The following WDR49 variants were observed in gnomAD, a reference collection of about 807,000 sequenced individuals.
WDR49 encodes the protein cilia- and flagella-associated protein 337.
Under a neutral mutation model 119.5 loss-of-function variants are expected in WDR49, and 107 were observed. The ratio of observed to expected loss-of-function variants is 0.90; its 90% confidence interval spans 0.77 to 1.05. The LOEUF (loss-of-function observed/expected upper bound fraction) is 1.05, where lower values mean the gene tolerates loss of function less well. Among genes scored for constraint, WDR49 ranks in the 50% least tolerant of loss-of-function variants. The probability of loss-of-function intolerance (pLI) is 0.00; values close to 1 mark genes in which losing one functional copy is unlikely to be tolerated. For synonymous variants in WDR49, 425 were observed against 418.8 expected (o/e 1.01, Z -0.18); for missense variants, 1,240 against 1,220.5 (o/e 1.02, Z -0.24).
chr3:167,636,638 C>T (rs1205965247), intron 2 of WDR49, among the ~76,000 whole-genome samples: 1 of 151,730 alleles, frequency 6.6e-6, no homozygotes, highest in South Asian at 2.1e-4. Context: ...CTTTTCACTA[C>T]ATCCATGCCA....
Position 167,646,218 on chromosome 3 carries a change from T to C in WDR49, c.165+7043A>G, listed in dbSNP as rs552477972. On this transcript the variant is annotated intron_variant, in intron 2 of 18. Transcript: ENST00000682715. ...GTGTTGGGAGTTGAGAGGAGGGGAG[T>C]TGCACCAGAAGGAAGAAGGAAGGAT... is the stretch of plus-strand genomic sequence containing the variant. Among the ~76,000 whole-genome samples, 13 of 151,434 alleles carry C rather than the reference T, an allele frequency of 8.6e-5. No individual in the cohort carries two copies. The South Asian group carries it at 2.7e-3, about 32-fold the overall frequency.
chr3:167,533,955 C>T lies in WDR49; in HGVS notation c.1955-978G>A, dbSNP rs144072487. Among the ~76,000 whole-genome samples, 83 of 151,750 alleles carry T rather than the reference C, an allele frequency of 5.5e-4. 1 individual carries two copies. In the East Asian group the frequency reaches 0.015, roughly 27 times the overall value. ...AGAAAGAGCAATCTCTTTGGGAGGCCGAGGTGGGCAGATCAGGAGGTCAGG... is the reference window on the plus strand; with the variant it reads ...AGAAAGAGCAATCTCTTTGGGAGGCTGAGGTGGGCAGATCAGGAGGTCAGG... On this transcript the variant is annotated intron_variant, in intron 11 of 18. Transcript: ENST00000682715.
intron 7 of WDR49, among the ~76,000 whole-genome samples, chr3:167,584,099 T>C (rs1406665782): frequency 6.6e-6 from 1 of 152,080 alleles, no homozygotes; most frequent in Non-Finnish European, 1.5e-5. Context: ...CTATCCAAAA[T>C]TACAAGAGAG....
chr3:167,514,081 C>T (rs1179390877), intron 16 of WDR49, among the ~76,000 whole-genome samples: 1 of 152,134 alleles, frequency 6.6e-6, no homozygotes, highest in Non-Finnish European at 1.5e-5. Flanking sequence ...ATATTCAGGG[C>T]TTGAACTCAG....
chr3:167,546,275 C>A (rs941401025), intron 10 of WDR49, among the ~76,000 whole-genome samples: 1 of 151,934 alleles, frequency 6.6e-6, no homozygotes, highest in Admixed American at 6.6e-5. Flanking sequence ...TGATATTTGA[C>A]CTTGTGTGTC....
rs370350241 is a variant in WDR49, at chr3:167,554,680, T to A, written c.1793A>T (p.Tyr598Phe). The change falls in exon 10 of 19, where the codon TAT becomes TTT. Residue 598 changes from tyrosine (Y) to phenylalanine (F), a missense_variant. Physicochemically the swap from Tyr to Phe is conservative, Grantham distance 22 (BLOSUM62 3). Coordinates refer to ENST00000682715, the MANE Select transcript of WDR49 (RefSeq NM_001366157.1). ...KKILVTGWER[Y>F]DYASWKTIGR... ...TATAGTTTTCCATGAGGCATAATCATACCTCTCCCAGCCTGTAACCAGTAT... is the reference window on the plus strand; with the variant it reads ...TATAGTTTTCCATGAGGCATAATCAAACCTCTCCCAGCCTGTAACCAGTAT... 186 of 1,604,246 alleles carry A rather than the reference T, an allele frequency of 1.2e-4. No homozygotes were observed. Among genetic ancestry groups the A allele is most frequent in the Non-Finnish European group, 1.5e-4 (174 of 1,173,020 alleles).
At position 167,547,313 on chromosome 3, in the gene WDR49, T is replaced by C. The variant is rs186590349; in HGVS notation, c.1823+7337A>G. ...ATTATATCAATAGCTATTTATTGAG[T>C]TCCTACTTTCTACAGTGCTCTATGA... On this transcript the variant is annotated intron_variant, in intron 10 of 18. Coordinates refer to ENST00000682715, the MANE Select transcript of WDR49 (RefSeq NM_001366157.1). Among the ~76,000 whole-genome samples the C allele has an allele frequency of 1.5e-4, 23 of 151,980 alleles. No homozygotes were observed. In the East Asian group the frequency reaches 4.4e-3, roughly 29 times the overall value.
At chr3:167,577,408 A>C (rs1714304689) in intron 7 of WDR49, among the ~76,000 whole-genome samples, 1 of 152,200 alleles carries the variant, frequency 6.6e-6, no homozygotes, top group Non-Finnish European at 1.5e-5. Context: ...TCTGTTGTAC[A>C]AAATCAAAAA....
chr3:167,571,557 G>A (rs527288414), intron 8 of WDR49, among the ~76,000 whole-genome samples: 81 of 152,162 alleles, frequency 5.3e-4, no homozygotes, highest in Admixed American at 2.7e-3. Context: ...AGTAAATTAC[G>A]ATACATATAT....
At chr3:167,506,620 C>A (rs562050952) in intron 16 of WDR49, among the ~76,000 whole-genome samples, 1 of 152,116 alleles carries the variant, frequency 6.6e-6, no homozygotes, top group East Asian at 1.9e-4. Flanking sequence ...CCAGTATATC[C>A]CTCAGCCAAT....
chr3:167,614,094 GT>G (rs1462551155), intron 5 of WDR49, among the ~76,000 whole-genome samples: 1 of 151,742 alleles, frequency 6.6e-6, no homozygotes, highest in Admixed American at 6.6e-5. Flanking sequence ...TTTCTTTCTT[GT>G]CCCCCCTCCT....
At chr3:167,513,863 A>G (rs1752086681) in intron 16 of WDR49, among the ~76,000 whole-genome samples, 1 of 152,196 alleles carries the variant, frequency 6.6e-6, no homozygotes, top group Non-Finnish European at 1.5e-5. Context: ...AAAGACAAAA[A>G]AAGGCATTAC....
chr3:167,560,409 G>A (rs1482282444), intron 8 of WDR49, among the ~76,000 whole-genome samples, 181 bp from the exon 9 acceptor site: 3 of 152,124 alleles, frequency 2.0e-5, no homozygotes, highest in Admixed American at 1.3e-4. Context: ...CTAGACCTGA[G>A]GTAATGAAGT....
intron 7 of WDR49, among the ~76,000 whole-genome samples, chr3:167,578,922 T>C (rs916206400): frequency 6.6e-6 from 1 of 152,184 alleles, no homozygotes; most frequent in East Asian, 1.9e-4. Flanking sequence ...ACTAAAATTT[T>C]CCCTATTTTT....
intron 8 of WDR49, among the ~76,000 whole-genome samples, chr3:167,569,889 C>T (rs1267060431): frequency 6.6e-6 from 1 of 152,072 alleles, no homozygotes; most frequent in Non-Finnish European, 1.5e-5. Flanking sequence ...ATATATGCCA[C>T]CTATCTTTTT....
chr3:167,543,329 C>T (rs1490150494), intron 10 of WDR49, among the ~76,000 whole-genome samples: 3 of 151,868 alleles, frequency 2.0e-5, no homozygotes, highest in African/African-American at 7.2e-5. Context: ...CAGGAAAGGA[C>T]ATAATAAAAA....
intron 10 of WDR49, among the ~76,000 whole-genome samples, chr3:167,546,648 A>C (rs1175338937): frequency 1.3e-5 from 2 of 151,470 alleles, no homozygotes; most frequent in Non-Finnish European, 3.0e-5. Context: ...TTTAGATATG[A>C]CAACCAATTA....
chr3:167,497,495 C>G (rs985311536), intron 18 of WDR49, among the ~76,000 whole-genome samples: 1 of 152,068 alleles, frequency 6.6e-6, no homozygotes, highest in Non-Finnish European at 1.5e-5. Flanking sequence ...TCTGCCCAGC[C>G]ATTAACCCCA....
intron 16 of WDR49, among the ~76,000 whole-genome samples, chr3:167,515,329 C>T (rs1432211428): frequency 6.6e-6 from 1 of 152,156 alleles, no homozygotes; most frequent in Non-Finnish European, 1.5e-5. Context: ...AAGGCTGACT[C>T]AACGTAGGTA....
Sources: allele counts gnomAD v4.1 joint callset (sites outside exome capture counted in the v4.1 genomes callset), GRCh38; gene constraint gnomAD v4.1.1; transcripts MANE v1.5; gene names NCBI Gene and HGNC (gene_info 2026-07-23, HGNC 2026-07-21).